MEGF10: variants seen among roughly 807,000 people sequenced by gnomAD.
The protein encoded by MEGF10 is multiple EGF like domains 10.
MEGF10 carries 86 observed loss-of-function variants against 147.5 expected under a neutral mutation model. The observed-to-expected ratio is 0.58, with a 90% CI of 0.49 to 0.70. The LOEUF is 0.70. Ranked by LOEUF, MEGF10 falls within the 30% of genes least tolerant of loss-of-function variation. MEGF10 has a pLI of 0.00. For missense variants in MEGF10, 1,329 were observed against 1,487.3 expected (o/e 0.89, Z 1.75); for synonymous variants, 478 against 525.5 (o/e 0.91, Z 1.24).
chr5:127,367,916 C>T (rs1394769754), intron 4 of MEGF10, among the ~76,000 whole-genome samples: 1 of 152,192 alleles, frequency 6.6e-6, no homozygotes, highest in Non-Finnish European at 1.5e-5. Context: ...CCATTTAACA[C>T]AGTGTGAGAT....
the MEGF10 span, among the ~76,000 whole-genome samples, chr5:127,253,725 G>T: frequency 1.3e-5 from 2 of 151,862 alleles, no homozygotes; most frequent in Non-Finnish European, 2.9e-5. Context: ...GATATAGCAG[G>T]CCCAGGCAAA....
At chr5:127,376,296 A>T (rs1580783462) in intron 5 of MEGF10, among the ~76,000 whole-genome samples, 1 of 152,180 alleles carries the variant, frequency 6.6e-6, no homozygotes, top group African/African-American at 2.4e-5. Context: ...GTGAAAAAAG[A>T]CTCAGAAGCT....
intron 13 of MEGF10, among the ~76,000 whole-genome samples, chr5:127,423,243 C>A (rs149247086): frequency 6.6e-6 from 1 of 152,120 alleles, no homozygotes; most frequent in African/African-American, 2.4e-5. Context: ...TTAAAACTTT[C>A]TTTTTTTACG....
At chr5:127,369,121 A>C (rs1044138642) in intron 4 of MEGF10, among the ~76,000 whole-genome samples, 2 of 152,178 alleles carry the variant, frequency 1.3e-5, no homozygotes, top group African/African-American at 4.8e-5. Flanking sequence ...CAAACCCTTT[A>C]AGTCGTTCTC....
chr5:127,249,587 A>G, the MEGF10 span, among the ~76,000 whole-genome samples: 2 of 152,184 alleles, frequency 1.3e-5, no homozygotes, highest in East Asian at 1.9e-4. Flanking sequence ...AAATATTACA[A>G]TTATGAGGCA....
At chr5:127,282,039 T>C in the MEGF10 span, among the ~76,000 whole-genome samples, 2 of 152,214 alleles carry the variant, frequency 1.3e-5, no homozygotes, top group Middle Eastern at 3.2e-3. Flanking sequence ...TTCCTCCTGT[T>C]GAAATGTGTG....
intron 1 of MEGF10, among the ~76,000 whole-genome samples, chr5:127,291,580 G>C (rs996357427): frequency 1.3e-4 from 20 of 152,270 alleles, no homozygotes; most frequent in Admixed American, 4.6e-4. Context: ...AGTTCTCAGC[G>C]ATCAGTAGGG....
chr5:127,336,344 A>G lies in MEGF10; in HGVS notation c.117-2776A>G, dbSNP rs1761468593. Among the ~76,000 whole-genome samples, 6 of 152,028 alleles carry G rather than the reference A, an allele frequency of 3.9e-5. No individual in the cohort carries two copies. The South Asian group carries it at 1.2e-3, about 31-fold the overall frequency. On this transcript the variant is annotated intron_variant, in intron 2 of 24. Coordinates refer to ENST00000503335, the MANE Select transcript of MEGF10 (RefSeq NM_001256545.2). ...ATATTGTATTACTTTCAGCATTTAAATATTGGTCTCTCATTAGGTTGAGAG... is the reference window on the plus strand; with the variant it reads ...ATATTGTATTACTTTCAGCATTTAAGTATTGGTCTCTCATTAGGTTGAGAG...
At chr5:127,278,662 A>G in the MEGF10 span, among the ~76,000 whole-genome samples, 6 of 152,230 alleles carry the variant, frequency 3.9e-5, no homozygotes, top group South Asian at 8.3e-4. Flanking sequence ...AGTGTGGTCA[A>G]TTCATCAGGA....
the MEGF10 span, among the ~76,000 whole-genome samples, chr5:127,240,458 AT>A: frequency 1.3e-5 from 2 of 152,164 alleles, no homozygotes; most frequent in African/African-American, 4.8e-5. Context: ...AATTTCATAC[AT>A]TTTTAACTAT....
the MEGF10 span, among the ~76,000 whole-genome samples, chr5:127,274,012 C>G: frequency 6.6e-6 from 1 of 152,178 alleles, no homozygotes; most frequent in African/African-American, 2.4e-5. Context: ...GCATTTCCAT[C>G]ATTGTAGAAA....
intron 1 of MEGF10, among the ~76,000 whole-genome samples, chr5:127,293,187 T>A (rs1000656297): frequency 3.9e-5 from 6 of 152,262 alleles, no homozygotes; most frequent in Non-Finnish European, 8.8e-5. Flanking sequence ...CCTTACTTCA[T>A]TGGTGGCTGT....
intron 14 of MEGF10, among the ~76,000 whole-genome samples, chr5:127,434,418 C>A (rs1765488099): frequency 6.6e-6 from 1 of 152,138 alleles, no homozygotes; most frequent in African/African-American, 2.4e-5. Flanking sequence ...AAGACTTGAG[C>A]TAACTGGGGC....
At chr5:127,389,474 T>C (rs547287411) in intron 5 of MEGF10, among the ~76,000 whole-genome samples, 3 of 152,318 alleles carry the variant, frequency 2.0e-5, no homozygotes, top group Admixed American at 1.3e-4. Context: ...TGCAGGTCAA[T>C]GTTCATTGCA....
intron 1 of MEGF10, among the ~76,000 whole-genome samples, chr5:127,328,779 C>G (rs1338325702): frequency 1.3e-5 from 2 of 151,566 alleles, no homozygotes; most frequent in Non-Finnish European, 2.9e-5. Context: ...GCCTTCATGT[C>G]TTTGAGGAAA....
At chr5:127,377,415 C>G (rs1763073639) in intron 5 of MEGF10, among the ~76,000 whole-genome samples, 1 of 152,126 alleles carries the variant, frequency 6.6e-6, no homozygotes, top group South Asian at 2.1e-4. Flanking sequence ...GACATTAGTA[C>G]CACATAGCGG....
chr5:127,336,366 A>G (rs936914909), intron 2 of MEGF10, among the ~76,000 whole-genome samples: 1 of 152,010 alleles, frequency 6.6e-6, no homozygotes, highest in African/African-American at 2.4e-5. Flanking sequence ...CATTAGGTTG[A>G]GAGCTCCTTG....
At chr5:127,358,121 C>G (rs117067931) in intron 4 of MEGF10, among the ~76,000 whole-genome samples, 1 of 152,194 alleles carries the variant, frequency 6.6e-6, no homozygotes, top group African/African-American at 2.4e-5. Context: ...TGAATTAAGA[C>G]TTTCATACCG....
At chr5:127,376,559 G>A (rs1396698502) in intron 5 of MEGF10, among the ~76,000 whole-genome samples, 1 of 152,174 alleles carries the variant, frequency 6.6e-6, no homozygotes, top group Non-Finnish European at 1.5e-5. Context: ...ATCTGAGGAA[G>A]TCTATATCAG....
Sources: allele counts gnomAD v4.1 joint callset (sites outside exome capture counted in the v4.1 genomes callset), GRCh38; gene constraint gnomAD v4.1.1; transcripts MANE v1.5; gene names NCBI Gene and HGNC (gene_info 2026-07-23, HGNC 2026-07-21).